Variants in PSTPIP2 observed in about 807,000 individuals in gnomAD.
PSTPIP2 encodes proline-serine-threonine phosphatase interacting protein 2.
Under a neutral mutation model 63.3 loss-of-function variants are expected in PSTPIP2, and 33 were observed. The ratio of observed to expected loss-of-function variants is 0.52; its 90% CI spans 0.40 to 0.70. The LOEUF is 0.70. Ranked by LOEUF, PSTPIP2 falls within the 30% of genes least tolerant of loss-of-function variation. The pLI is 0.00. For synonymous variants in PSTPIP2, 125 were observed against 132.7 expected (o/e 0.94, Z 0.40); for missense variants, 312 against 400.7 (o/e 0.78, Z 1.89).
chr18:46,009,389 AAAC>A (rs367567740), intron 5 of PSTPIP2, among the ~76,000 whole-genome samples: 32,681 of 91,322 alleles, frequency 0.36, 7,611 homozygotes, highest in Middle Eastern at 0.53. Flanking sequence ...AAAAAAAAAA[AAAC>A]CTAGCTAAAT....
intron 2 of PSTPIP2, among the ~76,000 whole-genome samples, chr18:46,033,155 C>T (rs1055377039): frequency 1.3e-5 from 2 of 152,158 alleles, no homozygotes; most frequent in African/African-American, 4.8e-5. Flanking sequence ...AGTGAGGAAG[C>T]CAGGATTAGA....
rs76487563 is a variant in PSTPIP2 at position 46,052,708 on chromosome 18, T to A, written c.34-12661A>T. Among the ~76,000 whole-genome samples the A allele has an allele frequency of 5.7e-3, 867 of 152,328 alleles. 16 individuals carry two copies. The highest frequency in any genetic ancestry group is 0.032 in the Admixed American group (490 of 15,290). ...ACAAATTCCCTTCTGTTCTTCACAC[T>A]TGGATTTTCCCAGACAAAAGTAGAT... On this transcript the variant is annotated intron_variant, in intron 1 of 14. Transcript: ENST00000409746.
chr18:45,993,728 A>G, intron 9 of PSTPIP2, 25 bp from the exon 10 acceptor site: 1 of 1,588,398 alleles, frequency 6.3e-7, no homozygotes, highest in Non-Finnish European at 8.6e-7. Flanking sequence ...CTACGTGTAC[A>G]TAGATATGCA....
chr18:46,047,060 A>C (rs1220607163), intron 1 of PSTPIP2, among the ~76,000 whole-genome samples: 3 of 152,232 alleles, frequency 2.0e-5, no homozygotes, highest in Non-Finnish European at 4.4e-5. Context: ...GCTTCCAACC[A>C]CTATGAAAAA....
Position 45,993,662 on chromosome 18 carries a change from C to A in PSTPIP2, c.684G>T (p.Arg228=). ...GATTCACATGTAACCACAATGCATT[C>A]CGGAAGAAGTTTATTCGTTCACATT... The part of the protein sequence containing the change: ...AQECERINFF[R]NALWLHVNQL... Residue 228 remains arginine, a synonymous_variant, in exon 10 of 15, where the codon CGG becomes CGT. Coordinates refer to ENST00000409746, the MANE Select transcript of PSTPIP2 (RefSeq NM_024430.4). 1 of 1,614,162 alleles carries A rather than the reference C, an allele frequency of 6.2e-7. No homozygotes were observed. Among genetic ancestry groups the A allele is most frequent in the Non-Finnish European group, 8.5e-7 (1 of 1,180,028 alleles).
intron 2 of PSTPIP2, among the ~76,000 whole-genome samples, chr18:46,032,770 A>AG (rs1486820164): frequency 1.3e-5 from 2 of 150,856 alleles, no homozygotes; most frequent in East Asian, 3.9e-4. Context: ...AAAAAAAAAA[A>AG]AAAAAGGAAA....
chr18:45,997,711 A>G (rs759663187), intron 9 of PSTPIP2, 38 bp downstream of exon 9: 1 of 233,318 alleles, frequency 4.3e-6, no homozygotes. Flanking sequence ...ACCCCCACCC[A>G]CCCACCCCAG....
intron 2 of PSTPIP2, 62 bp from the exon 3 acceptor site, chr18:46,024,748 A>G (rs1018578489): frequency 1.5e-6 from 2 of 1,371,974 alleles, no homozygotes; most frequent in African/African-American, 1.4e-5. Flanking sequence ...TTAAGACACA[A>G]TGACCCTCCC....
intron 1 of PSTPIP2, among the ~76,000 whole-genome samples, chr18:46,045,671 G>GTAAATAAA (rs140184557): frequency 4.6e-5 from 7 of 151,142 alleles, no homozygotes; most frequent in African/African-American, 1.5e-4. Context: ...CAATAATAAA[G>GTAAATAAA]TAAATAAATA....
At chr18:46,018,968 T>G (rs993637441) in intron 3 of PSTPIP2, among the ~76,000 whole-genome samples, 2 of 152,198 alleles carry the variant, frequency 1.3e-5, no homozygotes, top group African/African-American at 4.8e-5. Flanking sequence ...AGACCATGAC[T>G]CATTTTTCAT....
At chr18:46,015,496 C>T (rs186486455) in intron 4 of PSTPIP2, among the ~76,000 whole-genome samples, 1 of 152,272 alleles carries the variant, frequency 6.6e-6, no homozygotes, top group Non-Finnish European at 1.5e-5. Context: ...AGACGATTCT[C>T]TGAGGCAACC....
At chr18:46,000,055 C>T (rs1290844074) in intron 6 of PSTPIP2, among the ~76,000 whole-genome samples, 6 of 152,316 alleles carry the variant, frequency 3.9e-5, no homozygotes, top group Middle Eastern at 3.4e-3. Flanking sequence ...GGGAGGGTCG[C>T]TTGTGCCCAG....
intron 4 of PSTPIP2, among the ~76,000 whole-genome samples, chr18:46,011,905 T>C (rs946399914): frequency 6.6e-6 from 1 of 152,210 alleles, no homozygotes; most frequent in South Asian, 2.1e-4. Context: ...GACTGAAAGA[T>C]GGTCAGATTG....
intron 2 of PSTPIP2, chr18:46,029,097 A>G: frequency 1.2e-6 from 1 of 818,300 alleles, no homozygotes; most frequent in South Asian, 1.3e-5. Flanking sequence ...AAGGTTTCCA[A>G]ACTGTAAGGC....
At chr18:46,062,225 C>T (rs1266659284) in intron 1 of PSTPIP2, among the ~76,000 whole-genome samples, 1 of 152,124 alleles carries the variant, frequency 6.6e-6, no homozygotes, top group Admixed American at 6.6e-5. Context: ...CACACCATCC[C>T]CTCCCTGAGA....
chr18:46,006,676 CCT>C (rs2051732185), intron 5 of PSTPIP2, among the ~76,000 whole-genome samples: 2 of 152,186 alleles, frequency 1.3e-5, no homozygotes, highest in South Asian at 4.1e-4. Flanking sequence ...GCCCGGCCTC[CCT>C]GTTACTTTTT....
chr18:46,010,893 A>G (rs2051788221), intron 5 of PSTPIP2: 2 of 329,292 alleles, frequency 6.1e-6, no homozygotes, highest in East Asian at 1.1e-4. Flanking sequence ...TATTGAATTC[A>G]GAGGGTTCCC....
chr18:46,060,499 G>A (rs554926105), intron 1 of PSTPIP2, among the ~76,000 whole-genome samples: 3 of 152,312 alleles, frequency 2.0e-5, no homozygotes, highest in Admixed American at 2.0e-4. Context: ...GTGGTTAGCT[G>A]GGTGGCACTG....
intron 6 of PSTPIP2, 135 bp from the exon 7 acceptor site, chr18:45,999,669 TC>T: frequency 1.3e-6 from 1 of 757,142 alleles, no homozygotes; most frequent in Non-Finnish European, 2.1e-6. Flanking sequence ...AGCCATGGGC[TC>T]CCAGAGGGCA....
Sources: allele counts gnomAD v4.1 joint callset (sites outside exome capture counted in the v4.1 genomes callset), GRCh38; gene constraint gnomAD v4.1.1; transcripts MANE v1.5; gene names NCBI Gene and HGNC (gene_info 2026-07-23, HGNC 2026-07-21).